Variants in ACAD10 observed in about 807,000 individuals in gnomAD.
ACAD10 encodes the protein acyl-CoA dehydrogenase family member 10.
In ACAD10, 112 loss-of-function variants were observed where a neutral mutation model predicts 116.8. The observed-to-expected ratio is 0.96, with a 90% CI of 0.82 to 1.12. The LOEUF (loss-of-function observed/expected upper bound fraction) is 1.12. Ranked by LOEUF, ACAD10 falls within the 50% of genes most tolerant of loss-of-function variation. ACAD10 has a pLI of 0.00. For missense variants in ACAD10, 1,259 were observed against 1,350.2 expected, an observed-to-expected ratio of 0.93 and a Z score of 1.06; for synonymous variants, 486 against 510.6, an observed-to-expected ratio of 0.95 and a Z score of 0.65.
At chr12:111,702,938 C>A (rs894334634) in intron 3 of ACAD10, among the ~76,000 whole-genome samples, 3 of 150,976 alleles carry the variant, frequency 2.0e-5, no homozygotes, top group Non-Finnish European at 4.4e-5. Flanking sequence ...TACTAAAAAT[C>A]AAAAAAATTA....
At chr12:111,707,101 T>C (rs1034015600) in intron 4 of ACAD10, among the ~76,000 whole-genome samples, 2 of 147,346 alleles carry the variant, frequency 1.4e-5, no homozygotes, top group Admixed American at 1.4e-4. Context: ...TCTCTTTTTT[T>C]TTCCTTGAGA....
At position 111,730,079 on chromosome 12, in the gene ACAD10, G is replaced by A. The variant is rs916280288; in HGVS notation, c.1394+123G>A. 5.9e-6 allele frequency: 8 copies of A among 1,367,336 alleles called. No individual in the cohort carries two copies. The African/African-American group carries it at 8.7e-5, about 15-fold the overall frequency. 84.7% of individuals were successfully genotyped at this position (1,367,336 alleles called of 1,614,324 possible). A position where few individuals can be genotyped will look rare whatever the true frequency, so the allele number is the denominator to read the frequency against. ...TTCCTATTACAAAGCACCTGTCTGTGTGTGGCCTTTTCAGGCAGGGTTTCT... is the reference window on the plus strand; with the variant it reads ...TTCCTATTACAAAGCACCTGTCTGTATGTGGCCTTTTCAGGCAGGGTTTCT... On this transcript the variant is annotated intron_variant, in intron 10 of 20. Coordinates refer to ENST00000313698, the MANE Select transcript of ACAD10 (RefSeq NM_025247.6).
rs1331689400 is a variant in ACAD10 at position 111,753,519 on chromosome 12, A to G, written c.2818-253A>G. 5 of 687,370 alleles carry G rather than the reference A, an allele frequency of 7.3e-6. No individual in the cohort carries two copies. The East Asian group carries it at 8.4e-5, about 12-fold the overall frequency. 42.6% of individuals were successfully genotyped at this position (687,370 alleles called of 1,614,324 possible). A position where few individuals can be genotyped will look rare whatever the true frequency, so the allele number is the denominator to read the frequency against. On this transcript the variant is annotated intron_variant, in intron 18 of 20. Coordinates refer to ENST00000313698, the MANE Select transcript of ACAD10 (RefSeq NM_025247.6). ...CTGGAATAAAGGGTTCTTGGAAGCA[A>G]TTTGTTACAGGCACCCTGTGGGCTG...
intron 6 of ACAD10, chr12:111,715,368 T>A: frequency 5.8e-6 from 1 of 171,774 alleles, no homozygotes; most frequent in East Asian, 1.5e-4. Context: ...CGAAGGCCTC[T>A]GTGTCACTCC....
intron 18 of ACAD10, among the ~76,000 whole-genome samples, chr12:111,751,577 A>G (rs1890072344): frequency 6.6e-6 from 1 of 152,130 alleles, no homozygotes; most frequent in African/African-American, 2.4e-5. Context: ...CTAAAAATAC[A>G]GAAGTTAGCT....
chr12:111,703,905 TTATATATA>T (rs145548072), intron 3 of ACAD10, among the ~76,000 whole-genome samples: 1 of 145,492 alleles, frequency 6.9e-6, no homozygotes, highest in Non-Finnish European at 1.5e-5. Context: ...TTTCCACAAT[TTATATATA>T]TATATATATA....
chr12:111,752,894 A>G (rs1343334645), intron 18 of ACAD10: 1 of 151,684 alleles, frequency 6.6e-6, no homozygotes, highest in Non-Finnish European at 1.5e-5. Context: ...CTGTAATCCC[A>G]ACACTTGGGG....
chr12:111,692,985 G>T (rs549032115), intron 2 of ACAD10, 89 bp downstream of exon 2: 1 of 1,439,212 alleles, frequency 6.9e-7, no homozygotes, highest in African/African-American at 1.4e-5. Flanking sequence ...GAACACTTGG[G>T]CAGCAGTGTG....
intron 12 of ACAD10, among the ~76,000 whole-genome samples, chr12:111,737,297 C>T (rs1203566492): frequency 1.3e-5 from 2 of 152,130 alleles, no homozygotes; most frequent in Non-Finnish European, 2.9e-5. Context: ...ATTCTCCTGC[C>T]TCAGCCTCCA....
intron 20 of ACAD10, 84 bp downstream of exon 20, chr12:111,755,829 A>G (rs776562968): frequency 7.3e-7 from 1 of 1,360,552 alleles, no homozygotes; most frequent in East Asian, 2.3e-5. Context: ...CCAGCCTCCC[A>G]TAGACCCTGG....
chr12:111,711,201 T>G (rs957591628), intron 5 of ACAD10, among the ~76,000 whole-genome samples: 2 of 152,096 alleles, frequency 1.3e-5, no homozygotes, highest in Non-Finnish European at 2.9e-5. Flanking sequence ...TGCTAAATTT[T>G]TTGTTGTTGT....
Position 111,702,270 on chromosome 12 carries a change from AG to A in ACAD10, c.299del (p.Gly100ValfsTer14). 2.5e-6 allele frequency: 4 copies of A among 1,614,190 alleles called. No homozygotes were observed. The South Asian group carries it at 4.4e-5, about 18-fold the overall frequency. ...MRFMRAEITA[E>X]GFLREFGRLC... The stretch of plus-strand genomic sequence containing the variant: ...TTTATGAGAGCAGAAATAACAGCAG[AG>A]GGTTTTTTACGAGAATTTGGGAGAC... On this transcript the variant is annotated frameshift_variant, in exon 3 of 21. Transcript: ENST00000313698. LOFTEE classifies it high-confidence loss of function.
At chr12:111,709,833 T>G in intron 5 of ACAD10, 149 bp downstream of exon 5, 1 of 884,458 alleles carries the variant, frequency 1.1e-6, no homozygotes, top group Non-Finnish European at 1.7e-6. Flanking sequence ...AATTATGAAA[T>G]CTATGTGACT....
chr12:111,731,288 G>C (rs1298407249), intron 10 of ACAD10, among the ~76,000 whole-genome samples: 1 of 152,114 alleles, frequency 6.6e-6, no homozygotes, highest in East Asian at 1.9e-4. Context: ...GAGACTGATG[G>C]GGCCAAGTGC....
chr12:111,719,437 A>G (rs1168818555), intron 7 of ACAD10, among the ~76,000 whole-genome samples: 1 of 151,642 alleles, frequency 6.6e-6, no homozygotes, highest in Non-Finnish European at 1.5e-5. Context: ...TATTTTTAGT[A>G]GGTATGGGGT....
At chr12:111,713,921 A>C (rs896397322) in intron 6 of ACAD10, among the ~76,000 whole-genome samples, 7 of 151,582 alleles carry the variant, frequency 4.6e-5, no homozygotes, top group African/African-American at 1.7e-4. Flanking sequence ...TGACAGAGCA[A>C]GACTCCGTCC....
intron 2 of ACAD10, among the ~76,000 whole-genome samples, chr12:111,694,587 A>G (rs1415142426): frequency 6.6e-6 from 1 of 152,098 alleles, no homozygotes; most frequent in Non-Finnish European, 1.5e-5. Context: ...TATCTTAAGA[A>G]CCAATTCACT....
intron 13 of ACAD10, chr12:111,745,281 G>A (rs1889859814): frequency 5.6e-6 from 3 of 532,036 alleles, no homozygotes; most frequent in Non-Finnish European, 9.8e-6. Context: ...CCCAGGCAGT[G>A]GAATGCTTGG....
At chr12:111,742,834 C>G (rs569139348) in intron 12 of ACAD10, among the ~76,000 whole-genome samples, 1 of 152,110 alleles carries the variant, frequency 6.6e-6, no homozygotes, top group African/African-American at 2.4e-5. Flanking sequence ...CTCAGCCTCC[C>G]CGGTAGCTAA....
Sources: allele counts gnomAD v4.1 joint callset (sites outside exome capture counted in the v4.1 genomes callset), GRCh38; gene constraint gnomAD v4.1.1; transcripts MANE v1.5; gene names NCBI Gene and HGNC (gene_info 2026-07-23, HGNC 2026-07-21).